The following DLGAP2 variants were observed in gnomAD, a reference collection of about 807,000 sequenced individuals.
The protein encoded by DLGAP2 is DLG associated protein 2.
DLGAP2 carries 26 observed loss-of-function variants against 100.3 expected under a neutral mutation model. That is an observed-to-expected ratio of 0.26 (90% CI 0.19 to 0.36). DLGAP2 has a LOEUF of 0.36. Ranked by LOEUF, DLGAP2 falls within the 10% of genes least tolerant of loss-of-function variation. The probability of loss-of-function intolerance (pLI) is 1.00; values close to 1 mark genes in which losing one functional copy is unlikely to be tolerated. For synonymous variants in DLGAP2, 886 were observed against 630.1 expected, an observed-to-expected ratio of 1.41 and a Z score of -6.08; for missense variants, 1,858 against 1,453.2, an observed-to-expected ratio of 1.28 and a Z score of -4.53.
intron 5 of DLGAP2, among the ~76,000 whole-genome samples, chr8:1,558,896 G>A (rs547676236): frequency 1.1e-4 from 16 of 151,848 alleles, no homozygotes; most frequent in Admixed American, 4.6e-4. Context: ...ACACACACAC[G>A]GCTTAAAGGA....
rs372822037 is a variant in DLGAP2, at chr8:1,651,828, G to A, written c.1811-16501G>A. Among the ~76,000 whole-genome samples the A allele has an allele frequency of 4.6e-5, 7 of 152,174 alleles. No individual in the cohort carries two copies. In the South Asian group the frequency reaches 1.0e-3, roughly 22 times the overall value. On this transcript the variant is annotated intron_variant, in intron 8 of 14. Transcript: ENST00000637795. The stretch of plus-strand genomic sequence containing the variant: ...TAAATTTGAAAAGTTAAAAAAAAAC[G>A]AAGTGATGGAGGGACACAGTCTTGT...
intron 3 of DLGAP2, among the ~76,000 whole-genome samples, chr8:1,362,012 T>C (rs1801993063): frequency 6.6e-6 from 1 of 152,170 alleles, no homozygotes; most frequent in African/African-American, 2.4e-5. Context: ...AATGGCCCCT[T>C]CCGTGCTACG....
intron 2 of DLGAP2, among the ~76,000 whole-genome samples, chr8:1,161,586 G>T (rs148733419): frequency 6.6e-6 from 1 of 152,320 alleles, no homozygotes; most frequent in African/African-American, 2.4e-5. Context: ...CCCAAACTCC[G>T]CTCCACAGAA....
chr8:960,064 T>C (rs932657142), intron 2 of DLGAP2, among the ~76,000 whole-genome samples: 24 of 152,090 alleles, frequency 1.6e-4, no homozygotes, highest in African/African-American at 4.1e-4. Context: ...TTAAGTTTTC[T>C]AGTTAGGCTC....
At chr8:824,884 C>T (rs1394501020) in intron 1 of DLGAP2, among the ~76,000 whole-genome samples, 4 of 152,178 alleles carry the variant, frequency 2.6e-5, no homozygotes, top group Non-Finnish European at 5.9e-5. Context: ...CCGCATTGTC[C>T]CCTGGCATCT....
At chr8:1,490,889 G>A (rs1554482749) in intron 3 of DLGAP2, among the ~76,000 whole-genome samples, 1 of 151,246 alleles carries the variant, frequency 6.6e-6, no homozygotes, top group East Asian at 1.9e-4. Flanking sequence ...TGGGGGGACG[G>A]GGGAGGGATA....
At chr8:850,059 TA>T (rs369727619) in intron 1 of DLGAP2, among the ~76,000 whole-genome samples, 10,896 of 129,208 alleles carry the variant, frequency 0.084, 547 homozygotes, top group South Asian at 0.11. Context: ...GGAGACTGTC[TA>T]AAAAAAAAAA....
rs189554997 is a variant in DLGAP2, at chr8:1,657,049, G to T, written c.1811-11280G>T. Among the ~76,000 whole-genome samples the T allele has an allele frequency of 1.2e-4, 19 of 152,202 alleles. No homozygotes were observed. In the East Asian group the frequency reaches 3.7e-3, roughly 29 times the overall value. On this transcript the variant is annotated intron_variant, in intron 8 of 14. Transcript: ENST00000637795. ...TGTTTACATGGTAAAAGAAACCAAT[G>T]CTAGGCTTTAAAAACCAAACAGATA... is the stretch of plus-strand genomic sequence containing the variant.
At chr8:1,103,250 C>A (rs1004447689) in intron 2 of DLGAP2, among the ~76,000 whole-genome samples, 14 of 152,308 alleles carry the variant, frequency 9.2e-5, no homozygotes, top group African/African-American at 2.6e-4. Flanking sequence ...TTGGAGACTT[C>A]CAGGCTCTGT....
chr8:1,583,925 C>T (rs150426919), intron 6 of DLGAP2, among the ~76,000 whole-genome samples: 11 of 152,108 alleles, frequency 7.2e-5, no homozygotes, highest in African/African-American at 1.2e-4. Context: ...GGCTGTTCAC[C>T]GTCTCCTCCT....
chr8:1,126,602 G>C (rs1796171146), intron 2 of DLGAP2, among the ~76,000 whole-genome samples: 1 of 152,122 alleles, frequency 6.6e-6, no homozygotes, highest in Admixed American at 6.5e-5. Context: ...GTGCTGTGCT[G>C]CTGAGGGCTT....
intron 1 of DLGAP2, among the ~76,000 whole-genome samples, chr8:793,123 G>T (rs1483075088): frequency 6.6e-6 from 1 of 152,098 alleles, no homozygotes; most frequent in Non-Finnish European, 1.5e-5. Flanking sequence ...TGCCTTCCTT[G>T]TTAATTTTTA....
intron 1 of DLGAP2, among the ~76,000 whole-genome samples, chr8:875,502 A>G (rs1585960958): frequency 1.3e-5 from 2 of 152,106 alleles, no homozygotes; most frequent in Non-Finnish European, 2.9e-5. Context: ...CTCGGCTCTC[A>G]TTCTTCTCCT....
chr8:914,655 C>T (rs573499056), intron 2 of DLGAP2, among the ~76,000 whole-genome samples: 51 of 152,164 alleles, frequency 3.4e-4, no homozygotes, highest in Non-Finnish European at 5.9e-4. Context: ...TAGATGGTGG[C>T]CCTATTAACC....
intron 2 of DLGAP2, among the ~76,000 whole-genome samples, chr8:1,012,223 C>T (rs772951461): frequency 2.6e-5 from 4 of 152,224 alleles, no homozygotes; most frequent in African/African-American, 7.2e-5. Context: ...TCTGACACCC[C>T]TGCTGACTTC....
intron 2 of DLGAP2, among the ~76,000 whole-genome samples, chr8:1,183,977 G>T (rs945998780): frequency 2.0e-5 from 3 of 152,124 alleles, no homozygotes; most frequent in African/African-American, 7.2e-5. Flanking sequence ...ATGATATTTG[G>T]CCAATAAAAA....
intron 2 of DLGAP2, among the ~76,000 whole-genome samples, chr8:1,226,207 C>T (rs1798412322): frequency 6.6e-6 from 1 of 151,970 alleles, no homozygotes. Flanking sequence ...TTCACAAGAG[C>T]AAAGACACAG....
At chr8:1,138,621 A>G (rs1040948235) in intron 2 of DLGAP2, among the ~76,000 whole-genome samples, 2 of 152,190 alleles carry the variant, frequency 1.3e-5, no homozygotes, top group African/African-American at 4.8e-5. Context: ...GACATTCCCA[A>G]CGAATTCCGT....
intron 3 of DLGAP2, among the ~76,000 whole-genome samples, chr8:1,351,685 T>C (rs376642778): frequency 0.021 from 409 of 19,140 alleles, 3 homozygotes; most frequent in Middle Eastern, 0.15. Flanking sequence ...AACGGCCGTG[T>C]GGGTCCTGAC....
Sources: allele counts gnomAD v4.1 joint callset (sites outside exome capture counted in the v4.1 genomes callset), GRCh38; gene constraint gnomAD v4.1.1; transcripts MANE v1.5; gene names NCBI Gene and HGNC (gene_info 2026-07-23, HGNC 2026-07-21).